WWOX: variants seen among roughly 807,000 people sequenced by gnomAD.
WWOX encodes WW domain containing oxidoreductase.
In WWOX, 69 loss-of-function variants were observed where a neutral mutation model predicts 46.2. That is an observed-to-expected ratio of 1.49 (90% CI 1.23 to 1.82). The LOEUF is 1.82. WWOX is among the 40% of genes most tolerant of loss of function. The pLI, the probability that WWOX is intolerant of heterozygous loss-of-function variation, is 0.00. For synonymous variants in WWOX, 359 were observed against 202.6 expected, an observed-to-expected ratio of 1.77 and a Z score of -6.56; for missense variants, 919 against 542.6, an observed-to-expected ratio of 1.69 and a Z score of -6.89.
At chr16:78,500,324 A>G (rs2085028471) in intron 8 of WWOX, among the ~76,000 whole-genome samples, 1 of 152,194 alleles carries the variant, frequency 6.6e-6, no homozygotes. Context: ...AAATTGAATT[A>G]TTCCCGCTGC....
chr16:78,593,625 G>T (rs528901468), intron 8 of WWOX, among the ~76,000 whole-genome samples: 1 of 152,128 alleles, frequency 6.6e-6, no homozygotes, highest in Non-Finnish European at 1.5e-5. Flanking sequence ...GTTGACAGGG[G>T]GAGGTATTTG....
chr16:78,336,962 G>T (rs899535287), intron 5 of WWOX, among the ~76,000 whole-genome samples: 1 of 151,918 alleles, frequency 6.6e-6, no homozygotes, highest in Non-Finnish European at 1.5e-5. Flanking sequence ...GTATTTTTTA[G>T]TACAGACGGG....
chr16:79,139,447 G>C (rs2050045818), intron 8 of WWOX, among the ~76,000 whole-genome samples: 1 of 152,164 alleles, frequency 6.6e-6, no homozygotes, highest in East Asian at 1.9e-4. Flanking sequence ...GTGCCAGAGA[G>C]CTGCTTTATA....
chr16:78,783,364 G>A (rs2050376955), intron 8 of WWOX, among the ~76,000 whole-genome samples: 1 of 152,216 alleles, frequency 6.6e-6, no homozygotes, highest in African/African-American at 2.4e-5. Flanking sequence ...GGGCCTACAG[G>A]GCCAGGCCTT....
chr16:78,406,511 C>G (rs1567553620), intron 6 of WWOX, among the ~76,000 whole-genome samples: 1 of 150,240 alleles, frequency 6.7e-6, no homozygotes, highest in Admixed American at 6.7e-5. Context: ...TGCTACCACA[C>G]CCAGCTAATT....
chr16:78,327,459 T>G (rs2080650277), intron 5 of WWOX, among the ~76,000 whole-genome samples: 1 of 152,072 alleles, frequency 6.6e-6, no homozygotes, highest in South Asian at 2.1e-4. Context: ...CATGACCCAC[T>G]GGGCAGGACA....
At chr16:78,677,914 G>A (rs758327643) in intron 8 of WWOX, among the ~76,000 whole-genome samples, 9 of 152,128 alleles carry the variant, frequency 5.9e-5, no homozygotes, top group Non-Finnish European at 8.8e-5. Context: ...AAAGTAGCCC[G>A]TTCCACTCCT....
intron 8 of WWOX, among the ~76,000 whole-genome samples, chr16:78,507,935 G>C (rs1171391972): frequency 6.6e-6 from 1 of 151,840 alleles, no homozygotes; most frequent in Non-Finnish European, 1.5e-5. Flanking sequence ...TAGAACATCA[G>C]GATTTTTATG....
At chr16:78,101,420 C>G (rs765376484) in intron 1 of WWOX, among the ~76,000 whole-genome samples, 3 of 140,338 alleles carry the variant, frequency 2.1e-5, no homozygotes, top group Non-Finnish European at 3.0e-5. Flanking sequence ...GATCTCGGTT[C>G]ACTGCAACCT....
chr16:78,983,180 A>G (rs75434393), intron 8 of WWOX, among the ~76,000 whole-genome samples: 1,603 of 152,300 alleles, frequency 0.011, 34 homozygotes, highest in African/African-American at 0.036. Flanking sequence ...CCTTCATAGA[A>G]TCAAAGAATC....
At chr16:78,924,133 C>A (rs1406671787) in intron 8 of WWOX, among the ~76,000 whole-genome samples, 1 of 151,988 alleles carries the variant, frequency 6.6e-6, no homozygotes. Context: ...AACTATTAAT[C>A]CATAGACAAG....
intron 8 of WWOX, among the ~76,000 whole-genome samples, chr16:79,043,567 G>C (rs1010708755): frequency 1.3e-5 from 2 of 152,154 alleles, no homozygotes; most frequent in African/African-American, 2.4e-5. Context: ...TAGTTAATTT[G>C]TTCCAAATTT....
intron 8 of WWOX, among the ~76,000 whole-genome samples, chr16:78,620,662 C>G (rs925175339): frequency 6.6e-6 from 1 of 151,540 alleles, no homozygotes; most frequent in Non-Finnish European, 1.5e-5. Context: ...TGCACTTGTA[C>G]TGCACAAGAA....
At chr16:78,477,614 A>T (rs931878618) in intron 8 of WWOX, among the ~76,000 whole-genome samples, 5 of 151,874 alleles carry the variant, frequency 3.3e-5, no homozygotes, top group African/African-American at 9.7e-5. Flanking sequence ...GTGAGATTTT[A>T]TTTTTTTTCA....
At chr16:78,793,143 G>A (rs187886589) in intron 8 of WWOX, among the ~76,000 whole-genome samples, 3 of 152,252 alleles carry the variant, frequency 2.0e-5, no homozygotes, top group East Asian at 1.9e-4. Context: ...TGCAATCTCA[G>A]GTCACTGCAA....
intron 8 of WWOX, among the ~76,000 whole-genome samples, chr16:79,131,112 C>G (rs1465390960): frequency 2.0e-5 from 3 of 152,120 alleles, no homozygotes; most frequent in Non-Finnish European, 4.4e-5. Flanking sequence ...GAGAGTTGGA[C>G]AGACTCCATG....
chr16:78,895,027 G>T (rs185885996), intron 8 of WWOX, among the ~76,000 whole-genome samples: 1 of 152,178 alleles, frequency 6.6e-6, no homozygotes, highest in Admixed American at 6.5e-5. Context: ...ACCGGTTTAC[G>T]AGAACTCTAT....
rs550256829 is a variant in WWOX, at chr16:78,248,341, C to T, written c.516+84052C>T. ...TTTCAACAACCAGATCTCAGGAGAG[C>T]CAACTCACCACACAGCATACGTGCT... On this transcript the variant is annotated intron_variant, in intron 5 of 8. Coordinates refer to ENST00000566780, the MANE Select transcript of WWOX (RefSeq NM_016373.4). 2.6e-5 allele frequency among the ~76,000 whole-genome samples: 4 copies of T among 152,274 alleles called. No homozygotes were observed. The East Asian group carries it at 5.8e-4, about 22-fold the overall frequency.
chr16:78,992,614 T>G (rs755273517), intron 8 of WWOX, among the ~76,000 whole-genome samples: 5 of 152,146 alleles, frequency 3.3e-5, no homozygotes, highest in Non-Finnish European at 5.9e-5. Flanking sequence ...TCGTACCAGC[T>G]CCCCATCCCT....
Sources: allele counts gnomAD v4.1 joint callset (sites outside exome capture counted in the v4.1 genomes callset), GRCh38; gene constraint gnomAD v4.1.1; transcripts MANE v1.5; gene names NCBI Gene and HGNC (gene_info 2026-07-23, HGNC 2026-07-21).